The following CD177 variants were observed in gnomAD, a reference collection of about 807,000 sequenced individuals.
CD177 encodes CD177 molecule, also known as CD177 antigen.
In CD177, 41 loss-of-function variants were observed where a neutral mutation model predicts 38.1. That is an observed-to-expected ratio of 1.07 (90% CI 0.84 to 1.39). The LOEUF (loss-of-function observed/expected upper bound fraction) is 1.39, where lower values mean the gene tolerates loss of function less well. CD177 is among the 40% of genes most tolerant of loss of function. The pLI is 0.00. For synonymous variants in CD177, 236 were observed against 216.7 expected (o/e 1.09, Z -0.78); for missense variants, 619 against 523.8 (o/e 1.18, Z -1.77).
rs746453817 is a variant in CD177 at position 43,362,144 on chromosome 19, T to C, written c.1138T>C (p.Leu380=). 2.5e-6 allele frequency: 4 copies of C among 1,613,792 alleles called. No homozygotes were observed. The highest frequency in any genetic ancestry group is 1.1e-5 in the South Asian group (1 of 91,086). ...QGCVAQPSSF[L]LNHTRQIGIF... ...CTGCGTGGCCCAACCTTCCAGCTTC[T>C]TGTTGAACCACACCAGACAAATCGG... The change falls in exon 9 of 9, where the codon TTG becomes CTG. Residue 380 remains leucine, a synonymous_variant. Coordinates refer to ENST00000618265, the MANE Select transcript of CD177 (RefSeq NM_020406.4).
downstream of CD177, among the ~76,000 whole-genome samples, chr19:43,364,345 T>C (rs924173443): frequency 6.6e-6 from 1 of 152,230 alleles, no homozygotes; most frequent in African/African-American, 2.4e-5. Context: ...CAAAACCTCC[T>C]TTGGATGTTA....
At chr19:43,364,423 T>C (rs947720045), downstream of CD177, among the ~76,000 whole-genome samples, 14 of 152,334 alleles carry the variant, frequency 9.2e-5, no homozygotes, top group Non-Finnish European at 1.8e-4. Context: ...GCCTTGTCTT[T>C]AGTGGGTTTC....
chr19:43,360,281 T>G lies in CD177; in HGVS notation c.636T>G (p.His212Gln). The stretch of plus-strand genomic sequence containing the variant: ...TCTCCCCAGATTTTCTGACCTGTCA[T>G]CGGGGGACCACCATTATGACACACG... ...NCDMKDFLTC[H>Q]RGTTIMTHGN... The change falls in exon 6 of 9, where the codon CAT (histidine) becomes CAG (glutamine). Residue 212 changes from histidine to glutamine, a missense_variant. His to Gln is a conservative substitution (Grantham distance 24, BLOSUM62 0). Coordinates refer to ENST00000618265, the MANE Select transcript of CD177 (RefSeq NM_020406.4). The G allele has an allele frequency of 6.2e-7, 1 of 1,613,238 alleles. No individual in the cohort carries two copies. The highest frequency in any genetic ancestry group is 8.5e-7 in the Non-Finnish European group (1 of 1,179,650).
Position 43,353,883 on chromosome 19 carries a change from C to G in CD177, c.83C>G (p.Thr28Arg). Residue 28 changes from threonine (T) to arginine (R), a missense_variant, in exon 2 of 9, where the codon ACA (threonine) becomes AGA (arginine). Physicochemically the swap from Thr to Arg is moderately conservative, Grantham distance 71 (BLOSUM62 -1). Transcript: ENST00000618265. The part of the protein sequence containing the change: ...GVQALLCQFG[T>R]VQHVWKVSDL... ...CAGGCGCTGCTCTGCCAGTTTGGGA[C>G]AGTTCAGCATGTGTGGAAGGTGTCC... The G allele has an allele frequency of 1.2e-6, 2 of 1,613,870 alleles. No individual in the cohort carries two copies. Among genetic ancestry groups the G allele is most frequent in the Non-Finnish European group, 1.7e-6 (2 of 1,179,860 alleles).
At position 43,362,521 on chromosome 19, in the gene CD177, G is replaced by T; in HGVS notation, c.*201G>T. 2.1e-6 allele frequency: 1 copy of T among 478,868 alleles called. No individual in the cohort carries two copies. Among genetic ancestry groups the T allele is most frequent in the East Asian group, 3.3e-5 (1 of 30,442 alleles). 29.7% of individuals were successfully genotyped at this position (478,868 alleles called of 1,614,324 possible). A position where few individuals can be genotyped will look rare whatever the true frequency, so the allele number is the denominator to read the frequency against. On this transcript the variant is annotated 3_prime_UTR_variant, in exon 9 of 9. Transcript: ENST00000618265. The stretch of plus-strand genomic sequence containing the variant: ...GAGCATCCGGACTTGCCCTATGGGA[G>T]AGGGGACGCTGGAGGAGTGGCTGCA...
chr19:43,355,375 G>A (rs1202803962), intron 3 of CD177: 16 of 412,414 alleles, frequency 3.9e-5, no homozygotes, highest in Non-Finnish European at 7.8e-5. Flanking sequence ...GCCTCCCAAA[G>A]TGCTGGGATT....
At chr19:43,360,134 G>T in intron 5 of CD177, 131 bp from the exon 6 acceptor site, 3 of 1,106,574 alleles carry the variant, frequency 2.7e-6, no homozygotes, top group South Asian at 3.3e-5. Context: ...TGAATCCTTG[G>T]TTAAGGGAAT....
intron 6 of CD177, chr19:43,360,674 C>T (rs1969950094): frequency 2.2e-6 from 1 of 456,216 alleles, no homozygotes; most frequent in East Asian, 3.8e-5. Flanking sequence ...ACACCGAGGA[C>T]TCTCAGTGGC....
At chr19:43,364,366 G>T (rs1970012412), downstream of CD177, among the ~76,000 whole-genome samples, 1 of 152,218 alleles carries the variant, frequency 6.6e-6, no homozygotes, top group African/African-American at 2.4e-5. Context: ...TTTGTTACCT[G>T]CAGTGTAACC....
At chr19:43,355,924 C>T (rs71350666) in intron 4 of CD177, 68 bp from the exon 5 acceptor site, 142,391 of 1,108,074 alleles carry the variant, frequency 0.13, 11,567 homozygotes, top group Middle Eastern at 0.27. Context: ...GGAGCTATGC[C>T]TGCCTCTGAG....
chr19:43,360,173 C>T, intron 5 of CD177, 92 bp from the exon 6 acceptor site: 1 of 1,462,194 alleles, frequency 6.8e-7, no homozygotes, highest in African/African-American at 1.4e-5. Context: ...GAGTGTGACT[C>T]AAGAGTGTGA....
intron 8 of CD177, 135 bp from the exon 9 acceptor site, chr19:43,361,953 C>T: frequency 1.0e-5 from 7 of 683,736 alleles, no homozygotes; most frequent in Non-Finnish European, 4.9e-6. Context: ...GCCTGGACCC[C>T]TGGGTCTGAG....
downstream of CD177, among the ~76,000 whole-genome samples, chr19:43,365,907 T>A (rs910358310): frequency 1.3e-5 from 2 of 152,174 alleles, no homozygotes; most frequent in African/African-American, 4.8e-5. Flanking sequence ...CCGTGGATGC[T>A]GGAGGCTGCT....
rs549163751 is a variant in CD177, at chr19:43,355,989, C to T, written c.503-3C>T. The stretch of plus-strand genomic sequence containing the variant: ...GACTCTCCCTCGCTCCCCCTTTCTG[C>T]AGGAGGCATCTTCTCCAATCTGAGA... On this transcript the variant is annotated splice_polypyrimidine_tract_variant and splice_region_variant and intron_variant, in intron 4 of 8. Transcript: ENST00000618265. 2.2e-4 allele frequency: 147 copies of T among 670,144 alleles called. 1 individual carries two copies. The African/African-American group carries it at 2.4e-3, about 11-fold the overall frequency. The allele number at this position is 670,144 out of a possible 1,614,324, so 41.5% of individuals were successfully genotyped here.
chr19:43,361,420 C>A (rs1969961750), intron 7 of CD177, 25 bp from the exon 8 acceptor site: 1 of 1,594,532 alleles, frequency 6.3e-7, no homozygotes, highest in Non-Finnish European at 8.6e-7. Flanking sequence ...AAGTCATGTA[C>A]CCCCACCTTC....
chr19:43,362,335 C>G lies in CD177; in HGVS notation c.*15C>G, dbSNP rs781354394. ...CTTCCTGCTAACTCTATTACCCCCA[C>G]GATTCTTCACCGCTGCTGACCACCC... On this transcript the variant is annotated 3_prime_UTR_variant, in exon 9 of 9. Coordinates refer to ENST00000618265, the MANE Select transcript of CD177 (RefSeq NM_020406.4). 3 of 1,242,140 alleles carry G rather than the reference C, an allele frequency of 2.4e-6. No homozygotes were observed. The Admixed American group carries it at 6.0e-5, about 25-fold the overall frequency. The allele number at this position is 1,242,140 out of a possible 1,614,324, so 76.9% of individuals were successfully genotyped here. A position where few individuals can be genotyped will look rare whatever the true frequency, so the allele number is the denominator to read the frequency against.
intron 2 of CD177, 83 bp downstream of exon 2, chr19:43,354,076 C>A: frequency 6.4e-7 from 1 of 1,573,528 alleles, no homozygotes. Context: ...AGCCACCCCT[C>A]CGGGGGATCG....
At position 43,363,059 on chromosome 19, in the gene CD177, G is replaced by C. The variant is rs1453310878; in HGVS notation, c.*739G>C. 1 of 152,212 alleles carries C rather than the reference G, an allele frequency of 6.6e-6. No individual in the cohort carries two copies. Among genetic ancestry groups the C allele is most frequent in the Admixed American group, 6.5e-5 (1 of 15,282 alleles). 9.4% of individuals were successfully genotyped at this position (152,212 alleles called of 1,614,324 possible). On this transcript the variant is annotated 3_prime_UTR_variant, in exon 9 of 9. Transcript: ENST00000618265. ...CCTAGGCTACAAGCCTGCAGTGCAT[G>C]TTATGGTGTGAATACTGCAGGCAAT...
downstream of CD177, among the ~76,000 whole-genome samples, chr19:43,364,498 GAA>G (rs1390469650): frequency 6.6e-6 from 1 of 151,404 alleles, no homozygotes; most frequent in Non-Finnish European, 1.5e-5. Context: ...GCCTGCCTTC[GAA>G]AATAGCCTCC....
Sources: gnomAD v4.1 joint callset for allele counts (sites outside exome capture counted in the v4.1 genomes callset) on GRCh38, gnomAD v4.1.1 for gene constraint, MANE v1.5 for transcripts, NCBI Gene and HGNC (gene_info 2026-07-23, HGNC 2026-07-21) for gene names.